Variants in UGT2B17 observed in about 807,000 individuals in gnomAD.
The protein encoded by UGT2B17 is UDP glucuronosyltransferase family 2 member B17.
In UGT2B17, 21 loss-of-function variants were observed where a neutral mutation model predicts 48.2. The ratio of observed to expected loss-of-function variants is 0.44; its 90% CI spans 0.31 to 0.63. The LOEUF is 0.63. Ranked by LOEUF, UGT2B17 falls within the 20% of genes least tolerant of loss-of-function variation. The probability of loss-of-function intolerance (pLI) is 0.08; values close to 1 mark genes in which losing one functional copy is unlikely to be tolerated. For synonymous variants in UGT2B17, 146 were observed against 238.4 expected (o/e 0.61, Z 3.57); for missense variants, 402 against 696.1 (o/e 0.58, Z 4.75).
Position 68,551,016 on chromosome 4 carries a change from A to G in UGT2B17, c.1094-120T>C, listed in dbSNP as rs1222239164. 4 of 684,850 alleles carry G rather than the reference A, an allele frequency of 5.8e-6. 1 individual carries two copies. In the African/African-American group the frequency reaches 7.5e-5, roughly 13 times the overall value. The allele number at this position is 684,850 out of a possible 1,614,324, so 42.4% of individuals were successfully genotyped here. ...CCCTAGGTAACATTATACCCACAAA[A>G]CTGCATTGAAATTGTTTTCAAATTT... On this transcript the variant is annotated intron_variant, in intron 5 of 6. Coordinates refer to ENST00000317746, the MANE Select transcript of UGT2B17 (RefSeq NM_001077.4).
rs1396232974 is a variant in UGT2B17, at chr4:68,555,728, T to A, written c.1006-3817A>T. Among the ~76,000 whole-genome samples the A allele has an allele frequency of 8.0e-5, 10 of 124,372 alleles. 4 individuals are homozygous for A. 81.6% of individuals were successfully genotyped at this position (124,372 alleles called of 152,430 possible). Reference sequence around the variant, plus strand: ...GAATCTAAGGTTATATTAAATTAAATAATAGATATTTCATTGTTTGGGTAT... The same window carrying A: ...GAATCTAAGGTTATATTAAATTAAAAAATAGATATTTCATTGTTTGGGTAT... On this transcript the variant is annotated intron_variant, in intron 4 of 6. Transcript: ENST00000317746.
intron 5 of UGT2B17, 52 bp downstream of exon 5, chr4:68,551,772 C>T (rs28754747): frequency 0.035 from 38,614 of 1,101,466 alleles, 10,510 homozygotes; most frequent in East Asian, 0.3. Flanking sequence ...AATATTATCA[C>T]TTCTAATTGG....
At position 68,539,795 on chromosome 4, in the gene UGT2B17, T is replaced by TC. The variant is rs1730620910; in HGVS notation, c.1314-1892_1314-1891insG. Among the ~76,000 whole-genome samples, 2 of 112,688 alleles carry TC rather than the reference T, an allele frequency of 1.8e-5. 1 individual carries two copies. The highest frequency in any genetic ancestry group is 3.7e-5 in the Non-Finnish European group (2 of 54,188). The allele number at this position is 112,688 out of a possible 152,430, so 73.9% of individuals were successfully genotyped here. A position where few individuals can be genotyped will look rare whatever the true frequency, so the allele number is the denominator to read the frequency against. ...TCATACATATAATCTTTTTTTTTTTTTTTTTTTGAGACAGAGTCTCTCTCT... is the reference window on the plus strand; with the variant it reads ...TCATACATATAATCTTTTTTTTTTTTCTTTTTTTGAGACAGAGTCTCTCTCT... On this transcript the variant is annotated intron_variant, in intron 6 of 6. Transcript: ENST00000317746.
At chr4:68,542,551 A>T (rs1375905891) in intron 6 of UGT2B17, among the ~76,000 whole-genome samples, 1 of 126,014 alleles carries the variant, frequency 7.9e-6, no homozygotes, top group Non-Finnish European at 1.7e-5. Flanking sequence ...TTTCCAACTG[A>T]GGTACTGGGT....
Position 68,565,905 on chromosome 4 carries a change from T to C in UGT2B17, c.725-185A>G, listed in dbSNP as rs1414183578. Among the ~76,000 whole-genome samples the C allele has an allele frequency of 2.0e-4, 23 of 115,802 alleles. 3 individuals are homozygous for C. Among genetic ancestry groups the C allele is most frequent in the African/African-American group, 7.0e-4 (23 of 32,850 alleles). 76.0% of individuals were successfully genotyped at this position (115,802 alleles called of 152,430 possible). A position where few individuals can be genotyped will look rare whatever the true frequency, so the allele number is the denominator to read the frequency against. Reference sequence around the variant, plus strand: ...ATATAATACATTATATTAAATACATTATATTAAATTAATGTATATTAAATA... The same window carrying C: ...ATATAATACATTATATTAAATACATCATATTAAATTAATGTATATTAAATA... On this transcript the variant is annotated intron_variant, in intron 2 of 6. Coordinates refer to ENST00000317746, the MANE Select transcript of UGT2B17 (RefSeq NM_001077.4).
At position 68,553,749 on chromosome 4, in the gene UGT2B17, T is replaced by C. The variant is rs1218453067; in HGVS notation, c.1006-1838A>G. 2.4e-5 allele frequency among the ~76,000 whole-genome samples: 3 copies of C among 124,144 alleles called. 1 individual carries two copies. The highest frequency in any genetic ancestry group is 5.5e-5 in the African/African-American group (2 of 36,396). The allele number at this position is 124,144 out of a possible 152,430, so 81.4% of individuals were successfully genotyped here. ...TGTTGTTTAAGAATCCTAATTCTAG[T>C]TTGGAGATGTGTTGTAAAGGGTCTC... On this transcript the variant is annotated intron_variant, in intron 4 of 6. Transcript: ENST00000317746.
intron 6 of UGT2B17, among the ~76,000 whole-genome samples, chr4:68,540,934 T>C (rs1730643570): frequency 8.0e-6 from 1 of 125,656 alleles, no homozygotes; most frequent in African/African-American, 2.7e-5. Flanking sequence ...CTGAGGATAA[T>C]GGCTTTGAGT....
chr4:68,556,120 A>T (rs559254613), intron 4 of UGT2B17, among the ~76,000 whole-genome samples: 1 of 124,016 alleles, frequency 8.1e-6, no homozygotes, highest in African/African-American at 2.7e-5. Flanking sequence ...AAACTTTTAT[A>T]TGATCAAGTT....
At chr4:68,575,113 T>C (rs1731352466) in intron 1 of UGT2B17, among the ~76,000 whole-genome samples, 1 of 124,680 alleles carries the variant, frequency 8.0e-6, no homozygotes, top group Non-Finnish European at 1.7e-5. Context: ...CCTTGTAAGT[T>C]TGAAATTTCA....
intron 6 of UGT2B17, among the ~76,000 whole-genome samples, chr4:68,544,223 C>G (rs983315951): frequency 7.9e-6 from 1 of 126,816 alleles, no homozygotes; most frequent in African/African-American, 2.7e-5. Context: ...ATCAGACTAA[C>G]AGCTGATCTC....
intron 1 of UGT2B17, among the ~76,000 whole-genome samples, chr4:68,575,272 TG>T (rs1731355521): frequency 3.8e-5 from 1 of 26,322 alleles, no homozygotes; most frequent in Non-Finnish European, 7.1e-5. Context: ...TGAGGGGGGG[TG>T]GGGGGAAGGG....
intron 3 of UGT2B17, among the ~76,000 whole-genome samples, chr4:68,563,723 A>T (rs7686008): frequency 0.093 from 11,739 of 125,778 alleles, 3,302 homozygotes; most frequent in East Asian, 0.3. Context: ...GAGTACACAG[A>T]ATTACCTTTT....
At chr4:68,554,765 T>G (rs1179797954) in intron 4 of UGT2B17, among the ~76,000 whole-genome samples, 1 of 126,310 alleles carries the variant, frequency 7.9e-6, no homozygotes, top group Non-Finnish European at 1.7e-5. Context: ...TCTTTTAATA[T>G]GCAAATGTAA....
intron 3 of UGT2B17, among the ~76,000 whole-genome samples, chr4:68,561,177 T>C (rs1471417813): frequency 5.7e-5 from 7 of 123,526 alleles, no homozygotes; most frequent in African/African-American, 1.9e-4. Flanking sequence ...TTAGTTACAA[T>C]TAGAATGATT....
chr4:68,537,720 C>A lies in UGT2B17; in HGVS notation c.1498G>T (p.Ala500Ser). The A allele has an allele frequency of 1.5e-6, 2 of 1,378,996 alleles. 1 individual carries two copies. The highest frequency in any genetic ancestry group is 3.3e-5 in the South Asian group (2 of 59,950). The allele number at this position is 1,378,996 out of a possible 1,614,324, so 85.4% of individuals were successfully genotyped here. A position where few individuals can be genotyped will look rare whatever the true frequency, so the allele number is the denominator to read the frequency against. Residue 500 changes from alanine to serine, a missense_variant, in exon 7 of 7, where the codon GCC becomes TCC. Transcript: ENST00000317746. ...ATAAATATCATAGTTGCCACGCAGG[C>A]CAGCAGGAATGCTATCACATCCAAA... Reference protein sequence around the residue: ...HSLDVIAFLLACVATMIFMIT... With the variant: ...HSLDVIAFLLSCVATMIFMIT...
intron 6 of UGT2B17, among the ~76,000 whole-genome samples, chr4:68,539,679 C>A (rs1730618535): frequency 8.2e-6 from 1 of 122,224 alleles, no homozygotes; most frequent in Non-Finnish European, 1.7e-5. Flanking sequence ...TCTAGTATGA[C>A]TAGAACATAC....
rs1406758920 is a variant in UGT2B17, at chr4:68,568,496, G to A, written c.-12C>T. On this transcript the variant is annotated 5_prime_UTR_variant, in exon 2 of 7. Transcript: ENST00000317746. Reference sequence around the variant, plus strand: ...CATTTCAGAGACATCCTGGTCTTATGCAGTGCTTCTTTTCCAGTTGTTGTT... The same window carrying A: ...CATTTCAGAGACATCCTGGTCTTATACAGTGCTTCTTTTCCAGTTGTTGTT... 2 of 1,317,930 alleles carry A rather than the reference G, an allele frequency of 1.5e-6. No individual in the cohort carries two copies. Among genetic ancestry groups the A allele is most frequent in the Non-Finnish European group, 9.7e-7 (1 of 1,029,240 alleles). 81.6% of individuals were successfully genotyped at this position (1,317,930 alleles called of 1,614,324 possible). A position where few individuals can be genotyped will look rare whatever the true frequency, so the allele number is the denominator to read the frequency against.
rs1324272879 is a variant in UGT2B17, at chr4:68,574,778, A to G, written c.-65+1173T>C. Among the ~76,000 whole-genome samples, 8 of 126,560 alleles carry G rather than the reference A, an allele frequency of 6.3e-5. 3 individuals carry two copies. Among genetic ancestry groups the G allele is most frequent in the Admixed American group, 5.6e-4 (7 of 12,426 alleles). 83.0% of individuals were successfully genotyped at this position (126,560 alleles called of 152,430 possible). Reference sequence around the variant, plus strand: ...TTTTAAATTATGCAACATTTTTTGCATAAAATTTTTTATAACTTTTTTTCA... The same window carrying G: ...TTTTAAATTATGCAACATTTTTTGCGTAAAATTTTTTATAACTTTTTTTCA... On this transcript the variant is annotated intron_variant, in intron 1 of 6. Coordinates refer to ENST00000317746, the MANE Select transcript of UGT2B17 (RefSeq NM_001077.4).
chr4:68,552,118 T>C (rs1194711367), intron 4 of UGT2B17, among the ~76,000 whole-genome samples: 2 of 126,368 alleles, frequency 1.6e-5, no homozygotes, highest in Admixed American at 8.1e-5. Flanking sequence ...CAATTTGGTA[T>C]ATAAAAAAAT....
Sources: gnomAD v4.1 joint callset for allele counts (sites outside exome capture counted in the v4.1 genomes callset) on GRCh38, gnomAD v4.1.1 for gene constraint, MANE v1.5 for transcripts, NCBI Gene and HGNC (gene_info 2026-07-23, HGNC 2026-07-21) for gene names.